OPCML: variants seen among roughly 807,000 people sequenced by gnomAD.
The protein encoded by OPCML is opioid-binding protein/cell adhesion molecule.
OPCML carries 13 observed loss-of-function variants against 37.8 expected under a neutral mutation model. That is an observed-to-expected ratio of 0.34 (90% CI 0.22 to 0.55). OPCML has a LOEUF of 0.55. Ranked by LOEUF, OPCML falls within the 20% of genes least tolerant of loss-of-function variation. The pLI, the probability that OPCML is intolerant of heterozygous loss-of-function variation, is 0.91. For missense variants in OPCML, 341 were observed against 435.6 expected (o/e 0.78, Z 1.93); for synonymous variants, 176 against 168.8 (o/e 1.04, Z -0.33).
intron 4 of OPCML, among the ~76,000 whole-genome samples, chr11:132,484,983 G>A (rs1243743381): frequency 1.7e-4 from 26 of 152,228 alleles, no homozygotes; most frequent in South Asian, 2.1e-4. Flanking sequence ...ACGAGTTAGT[G>A]GGTGCAGCAC....
chr11:132,418,343 A>C lies in OPCML; in HGVS notation c.*1850T>G, dbSNP rs981526372. The C allele has an allele frequency of 6.6e-6, 1 of 152,240 alleles. No homozygotes were observed. The highest frequency in any genetic ancestry group is 2.4e-5 in the African/African-American group (1 of 41,466). 9.4% of individuals were successfully genotyped at this position (152,240 alleles called of 1,614,324 possible). On this transcript the variant is annotated 3_prime_UTR_variant, in exon 8 of 8. Transcript: ENST00000524381. ...CTGCAATGCCTTTATTTTGAATCCC[A>C]GGCAACTTTGCTGGATGAGTCCTTC...
rs1436793400 is a variant in OPCML at position 132,418,149 on chromosome 11, G to A, written c.*2044C>T. ...AACAAAGAGGACACTGATACCAGAG[G>A]AAGAAGACCAGTTAAGCATTAAGGG... On this transcript the variant is annotated 3_prime_UTR_variant, in exon 8 of 8. Transcript: ENST00000524381. 1.3e-5 allele frequency: 2 copies of A among 152,206 alleles called. No individual in the cohort carries two copies. The highest frequency in any genetic ancestry group is 2.9e-5 in the Non-Finnish European group (2 of 68,046). 9.4% of individuals were successfully genotyped at this position (152,206 alleles called of 1,614,324 possible).
intron 3 of OPCML, among the ~76,000 whole-genome samples, chr11:132,627,001 A>G (rs78521312): frequency 0.024 from 3,637 of 151,976 alleles, 41 homozygotes; most frequent in Non-Finnish European, 0.038. Flanking sequence ...CAACACTAAA[A>G]AGCTATAAAT....
Position 133,075,837 on chromosome 11 carries a change from G to A in OPCML, c.62-132827C>T, listed in dbSNP as rs907831188. Among the ~76,000 whole-genome samples the A allele has an allele frequency of 3.5e-4, 54 of 152,266 alleles. No homozygotes were observed. The Middle Eastern group carries it at 0.01, about 29-fold the overall frequency. On this transcript the variant is annotated intron_variant, in intron 1 of 7. Transcript: ENST00000524381. ...GCCTGGGCTCTTGGATTCCTAAGTCGGTGTGGAAACAAGAAGGAATCTGCA... is the reference window on the plus strand; with the variant it reads ...GCCTGGGCTCTTGGATTCCTAAGTCAGTGTGGAAACAAGAAGGAATCTGCA...
chr11:132,663,666 C>T (rs372743726), intron 2 of OPCML, among the ~76,000 whole-genome samples: 43 of 152,288 alleles, frequency 2.8e-4, no homozygotes, highest in African/African-American at 9.9e-4. Flanking sequence ...ATGATATGGG[C>T]TCCACTGTAG....
chr11:132,434,684 T>G (rs1246430407), intron 7 of OPCML, among the ~76,000 whole-genome samples: 1 of 152,192 alleles, frequency 6.6e-6, no homozygotes, highest in Non-Finnish European at 1.5e-5. Context: ...ATATTATGAT[T>G]ATAATAATGA....
chr11:132,678,520 A>C (rs1942806955), intron 2 of OPCML, among the ~76,000 whole-genome samples: 1 of 152,250 alleles, frequency 6.6e-6, no homozygotes, highest in Non-Finnish European at 1.5e-5. Flanking sequence ...GTGAGTGGAT[A>C]AACTGCGTTA....
chr11:132,675,977 C>G (rs78799001), intron 2 of OPCML, among the ~76,000 whole-genome samples: 3,446 of 152,206 alleles, frequency 0.023, 136 homozygotes, highest in African/African-American at 0.078. Flanking sequence ...GGACTCAGAA[C>G]AGCCACACAA....
intron 1 of OPCML, among the ~76,000 whole-genome samples, chr11:133,430,723 G>A (rs1184407771): frequency 6.6e-6 from 1 of 152,178 alleles, no homozygotes; most frequent in Non-Finnish European, 1.5e-5. Context: ...CAGACAAGAA[G>A]CAATGCCACT....
Position 132,540,242 on chromosome 11 carries a change from C to T in OPCML, c.380-11056G>A, listed in dbSNP as rs181149747. On this transcript the variant is annotated intron_variant, in intron 3 of 7. Transcript: ENST00000524381. ...GGTTAGTGTCACAGCACTTTTCACA[C>T]TGTTCTATTGTTTTCTATGTCTCTC... Among the ~76,000 whole-genome samples the T allele has an allele frequency of 2.6e-5, 4 of 152,234 alleles. No individual in the cohort carries two copies. In the East Asian group the frequency reaches 5.8e-4, roughly 22 times the overall value.
At chr11:132,509,970 T>C (rs922677488) in intron 4 of OPCML, among the ~76,000 whole-genome samples, 7 of 152,094 alleles carry the variant, frequency 4.6e-5, no homozygotes, top group East Asian at 1.9e-4. Flanking sequence ...AAACCACAGA[T>C]ACTCAATGCC....
At position 132,909,119 on chromosome 11, in the gene OPCML, A is replaced by T. The variant is rs556903840; in HGVS notation, c.146+33807T>A. Among the ~76,000 whole-genome samples the T allele has an allele frequency of 5.3e-5, 8 of 152,368 alleles. No individual in the cohort carries two copies. The South Asian group carries it at 8.3e-4, about 16-fold the overall frequency. On this transcript the variant is annotated intron_variant, in intron 2 of 7. Coordinates refer to ENST00000524381, the MANE Select transcript of OPCML (RefSeq NM_001012393.5). ...GAAAGCGAGGAGCAGCTTCAGCTGC[A>T]GCCCTTGGGAGGTCGTCTCCCTTGG... is the stretch of plus-strand genomic sequence containing the variant.
intron 1 of OPCML, among the ~76,000 whole-genome samples, chr11:132,991,315 T>G (rs79307606): frequency 0.059 from 8,961 of 152,266 alleles, 565 homozygotes; most frequent in East Asian, 0.23. Flanking sequence ...AAAGATTGCC[T>G]GGATCATATT....
chr11:132,509,808 T>A (rs555055598), intron 4 of OPCML, among the ~76,000 whole-genome samples: 22 of 152,358 alleles, frequency 1.4e-4, no homozygotes, highest in African/African-American at 4.8e-4. Context: ...GGAGAACCTC[T>A]GCTAGGGCAG....
At chr11:132,578,041 C>A (rs969489223) in intron 3 of OPCML, among the ~76,000 whole-genome samples, 1 of 152,076 alleles carries the variant, frequency 6.6e-6, no homozygotes, top group Non-Finnish European at 1.5e-5. Flanking sequence ...AAAGAATATG[C>A]AACTCAATAT....
chr11:133,327,584 T>C (rs370227590), intron 1 of OPCML, among the ~76,000 whole-genome samples: 1 of 152,258 alleles, frequency 6.6e-6, no homozygotes, highest in South Asian at 2.1e-4. Flanking sequence ...CTCTTTAGTT[T>C]ATGCTCATTT....
intron 2 of OPCML, among the ~76,000 whole-genome samples, chr11:132,895,580 T>C (rs80301148): frequency 0.013 from 2,040 of 152,282 alleles, 37 homozygotes; most frequent in African/African-American, 0.046. Flanking sequence ...ATGGGATCTG[T>C]AAGTTGAGAT....
intron 2 of OPCML, among the ~76,000 whole-genome samples, chr11:132,734,612 C>T (rs896289113): frequency 2.0e-5 from 3 of 152,194 alleles, no homozygotes; most frequent in Non-Finnish European, 2.9e-5. Flanking sequence ...ACTTATCTAA[C>T]TTATTCTTGA....
At chr11:132,689,987 A>G (rs1943333246) in intron 2 of OPCML, among the ~76,000 whole-genome samples, 1 of 152,234 alleles carries the variant, frequency 6.6e-6, no homozygotes, top group African/African-American at 2.4e-5. Context: ...ATGTAAACAG[A>G]AGCAACATTC....
Sources: gnomAD v4.1 joint callset for allele counts (sites outside exome capture counted in the v4.1 genomes callset) on GRCh38, gnomAD v4.1.1 for gene constraint, MANE v1.5 for transcripts, NCBI Gene and HGNC (gene_info 2026-07-23, HGNC 2026-07-21) for gene names.